Variants in EXOSC9 observed in about 807,000 individuals in gnomAD.
EXOSC9 encodes the protein exosome complex component RRP45.
Under a neutral mutation model 56.5 loss-of-function variants are expected in EXOSC9, and 38 were observed. The ratio of observed to expected loss-of-function variants is 0.67; its 90% CI spans 0.52 to 0.88. EXOSC9 has a LOEUF of 0.88. Among genes scored for constraint, EXOSC9 ranks in the 40% least tolerant of loss-of-function variants. EXOSC9 has a pLI of 0.00. For missense variants in EXOSC9, 559 were observed against 530.5 expected (o/e 1.05, Z -0.53); for synonymous variants, 170 against 170.8 (o/e 0.99, Z 0.04).
chr4:121,809,926 C>G (rs370668732), intron 6 of EXOSC9, 41 bp from the exon 7 acceptor site: 2 of 1,610,546 alleles, frequency 1.2e-6, no homozygotes, highest in African/African-American at 1.3e-5. Context: ...GGTAAGCATT[C>G]GGTCTCAGAT....
chr4:121,808,099 T>G (rs946504806), intron 6 of EXOSC9, among the ~76,000 whole-genome samples: 1 of 152,180 alleles, frequency 6.6e-6, no homozygotes, highest in Admixed American at 6.5e-5. Context: ...TTCCAGCGTT[T>G]TCATTACTTA....
rs1288139704 is a variant in EXOSC9 at position 121,807,617 on chromosome 4, G to A, written c.600G>A (p.Gln200=). ...TTTGTGTCAGTTTTGCCTTTTTCCA[G>A]CAAGGGTAAGCCTCGCCTTATTATG... ...MPICVSFAFF[Q]QGTYLLVDPN... is the part of the protein sequence containing the mutation. Residue 200 remains glutamine, a synonymous_variant, in exon 6 of 12, where the codon CAG becomes CAA. Transcript: ENST00000243498. The A allele has an allele frequency of 4.4e-6, 7 of 1,607,448 alleles. No individual in the cohort carries two copies. Among genetic ancestry groups the A allele is most frequent in the Non-Finnish European group, 6.0e-6 (7 of 1,173,984 alleles).
rs751255089 is a variant in EXOSC9 at position 121,816,849 on chromosome 4, C to G, written c.1313C>G (p.Ala438Gly). 6 of 1,584,114 alleles carry G rather than the reference C, an allele frequency of 3.8e-6. No individual in the cohort carries two copies. Among genetic ancestry groups the G allele is most frequent in the Non-Finnish European group, 5.2e-6 (6 of 1,162,284 alleles). Reference sequence around the variant, plus strand: ...AAAAGAAGAAAAAAGAAGAGAGCTGCCAATTAAAGCTAACAGTTGTATATC... The same window carrying G: ...AAAAGAAGAAAAAAGAAGAGAGCTGGCAATTAAAGCTAACAGTTGTATATC... ...PVKRRKKKRA[A>G]N The change falls in exon 12 of 12, where the codon GCC (alanine) becomes GGC (glycine). Residue 438 changes from alanine (A) to glycine (G), a missense_variant. Transcript: ENST00000243498.
At position 121,801,375 on chromosome 4, in the gene EXOSC9, T is replaced by G. The variant is rs1560620943; in HGVS notation, c.-50T>G. 2.6e-6 allele frequency: 4 copies of G among 1,551,170 alleles called. No homozygotes were observed. The highest frequency in any genetic ancestry group is 2.2e-5 in the East Asian group (1 of 44,550). ...AGCGGCGCGCAAGGAAAGATCGGGTTCCGTTTTTCCCGCGGATTCTGGTGC... is the reference window on the plus strand; with the variant it reads ...AGCGGCGCGCAAGGAAAGATCGGGTGCCGTTTTTCCCGCGGATTCTGGTGC... On this transcript the variant is annotated 5_prime_UTR_variant, in exon 1 of 12. Transcript: ENST00000243498.
At chr4:121,810,863 A>T (rs909008624) in intron 7 of EXOSC9, among the ~76,000 whole-genome samples, 2 of 152,136 alleles carry the variant, frequency 1.3e-5, no homozygotes, top group Non-Finnish European at 2.9e-5. Flanking sequence ...ACCCTGTCTC[A>T]AAAGCAAATA....
At chr4:121,815,230 A>T (rs909839799) in intron 10 of EXOSC9, 1 of 244,284 alleles carries the variant, frequency 4.1e-6, no homozygotes, top group Non-Finnish European at 6.6e-6. Context: ...ATATACTTGT[A>T]TAGCATTGAA....
chr4:121,813,181 A>T, intron 8 of EXOSC9, 53 bp from the exon 9 acceptor site: 1 of 1,526,224 alleles, frequency 6.6e-7, no homozygotes, highest in Non-Finnish European at 8.9e-7. Context: ...TCTTCTATCC[A>T]ATCTGTTACC....
rs373659727 is a variant in EXOSC9, at chr4:121,809,376, A to G, written c.606-591A>G. On this transcript the variant is annotated intron_variant, in intron 6 of 11. Coordinates refer to ENST00000243498, the MANE Select transcript of EXOSC9 (RefSeq NM_005033.3). ...TTTTAATTAATATATTTTCACGTTA[A>G]TGAAATAAAATGATTAATGAAATAA... Among the ~76,000 whole-genome samples the G allele has an allele frequency of 2.4e-4, 36 of 152,264 alleles. 1 individual carries two copies. Among genetic ancestry groups the G allele is most frequent in the South Asian group, 2.3e-3 (11 of 4,830 alleles).
At position 121,801,853 on chromosome 4, in the gene EXOSC9, T is replaced by G; in HGVS notation, c.93T>G (p.Asp31Glu). 6.2e-7 allele frequency: 1 copy of G among 1,613,844 alleles called. No individual in the cohort carries two copies. Among genetic ancestry groups the G allele is most frequent in the Non-Finnish European group, 8.5e-7 (1 of 1,179,726 alleles). ...GGCTGGATGGCAGACAAACCTATGA[T>G]TATAGGAACATCAGGATCTCATTTG... ...KKRLDGRQTY[D>E]YRNIRISFGT... Residue 31 changes from aspartate to glutamate, a missense_variant, in exon 2 of 12, where the codon GAT becomes GAG. Coordinates refer to ENST00000243498, the MANE Select transcript of EXOSC9 (RefSeq NM_005033.3).
intron 6 of EXOSC9, among the ~76,000 whole-genome samples, chr4:121,808,442 C>G (rs1050721114): frequency 6.6e-6 from 1 of 152,174 alleles, no homozygotes. Context: ...TCATTACAAC[C>G]TCTGCTTTCT....
chr4:121,816,244 C>T (rs1371527184), intron 10 of EXOSC9, 125 bp from the exon 11 acceptor site: 1 of 639,578 alleles, frequency 1.6e-6, no homozygotes, highest in Non-Finnish European at 2.6e-6. Context: ...AAAGTGTGAG[C>T]CACCACGCCC....
At chr4:121,812,738 G>A (rs1047574394) in intron 8 of EXOSC9, among the ~76,000 whole-genome samples, 18 of 152,138 alleles carry the variant, frequency 1.2e-4, no homozygotes, top group African/African-American at 4.1e-4. Context: ...TGATCCACCC[G>A]CCTGGGCCTC....
In EXOSC9 at chr4:121,801,828, G is replaced by A; in HGVS notation, c.68G>A (p.Arg23Gln). Residue 23 changes from arginine to glutamine, a missense_variant and splice_region_variant, in exon 2 of 12, where the codon CGG (arginine) becomes CAG (glutamine). Arg to Gln is a conservative substitution (Grantham distance 43). Transcript: ENST00000243498. ...TAATGAATGAATTTGTGCTTACAGC[G>A]GCTGGATGGCAGACAAACCTATGAT... ...FLLRAIEEKK[R>Q]LDGRQTYDYR... is the part of the protein sequence containing the mutation. 6.2e-7 allele frequency: 1 copy of A among 1,611,424 alleles called. No homozygotes were observed. The highest frequency in any genetic ancestry group is 8.5e-7 in the Non-Finnish European group (1 of 1,177,546).
Position 121,801,341 on chromosome 4 carries a change from G to C in EXOSC9, c.-84G>C, listed in dbSNP as rs1180339179. 44 of 1,351,764 alleles carry C rather than the reference G, an allele frequency of 3.3e-5. No homozygotes were observed. The highest frequency in any genetic ancestry group is 4.5e-5 in the Non-Finnish European group (42 of 941,380). 83.7% of individuals were successfully genotyped at this position (1,351,764 alleles called of 1,614,324 possible). ...TGATGACGTAATTTTCCTGCGCCTC[G>C]GGGCGAGCAGCGGCGCGCAAGGAAA... On this transcript the variant is annotated 5_prime_UTR_variant, in exon 1 of 12. Coordinates refer to ENST00000243498, the MANE Select transcript of EXOSC9 (RefSeq NM_005033.3).
intron 6 of EXOSC9, among the ~76,000 whole-genome samples, chr4:121,808,369 C>CT (rs1295751721): frequency 4.6e-5 from 7 of 151,758 alleles, no homozygotes; most frequent in Admixed American, 1.3e-4. Context: ...TTATTTTCTT[C>CT]TTTTTTTTGA....
At chr4:121,808,773 G>C (rs1301185266) in intron 6 of EXOSC9, among the ~76,000 whole-genome samples, 1 of 150,190 alleles carries the variant, frequency 6.7e-6, no homozygotes, top group Non-Finnish European at 1.5e-5. Context: ...AACCTCTCAG[G>C]CTCAAGTGAT....
In EXOSC9 at chr4:121,804,654, A is replaced by G; in HGVS notation, c.417A>G (p.Leu139=). 7 of 1,605,476 alleles carry G rather than the reference A, an allele frequency of 4.4e-6. No individual in the cohort carries two copies. The highest frequency in any genetic ancestry group is 6.0e-6 in the Non-Finnish European group (7 of 1,172,700). ...VWQIRVDLHL[L]NHDGNIIDAA... ...AAATACGTGTAGACCTACATTTATT[A>G]AATCATGATGGAAATATTATTGATG... is the stretch of plus-strand genomic sequence containing the variant. Residue 139 remains leucine (L), a synonymous_variant, in exon 5 of 12, where the codon TTA becomes TTG. Coordinates refer to ENST00000243498, the MANE Select transcript of EXOSC9 (RefSeq NM_005033.3).
intron 10 of EXOSC9, chr4:121,815,146 A>G (rs1202904174): frequency 6.4e-6 from 1 of 156,626 alleles, no homozygotes; most frequent in Admixed American, 6.5e-5. Context: ...GGTTACTTCT[A>G]TTTGGTATTA....
At chr4:121,801,987 G>A (rs1726883313) in intron 2 of EXOSC9, 66 bp downstream of exon 2, 1 of 1,132,990 alleles carries the variant, frequency 8.8e-7, no homozygotes, top group Admixed American at 1.7e-5. Flanking sequence ...TTATTGACTT[G>A]GTTGTTTATA....
Sources: gnomAD v4.1 joint callset for allele counts (sites outside exome capture counted in the v4.1 genomes callset) on GRCh38, gnomAD v4.1.1 for gene constraint, MANE v1.5 for transcripts, NCBI Gene and HGNC (gene_info 2026-07-23, HGNC 2026-07-21) for gene names.